Variants in SYT1 observed in about 807,000 individuals in gnomAD.
The protein encoded by SYT1 is synaptotagmin-1.
In SYT1, 8 loss-of-function variants were observed where a neutral mutation model predicts 44.8. The observed-to-expected ratio is 0.18, with a 90% confidence interval of 0.10 to 0.32. SYT1 has a LOEUF of 0.32. Among genes scored for constraint, SYT1 ranks in the 10% least tolerant of loss-of-function variants. The pLI is 1.00. For missense variants in SYT1, 286 were observed against 509.3 expected, an observed-to-expected ratio of 0.56 and a Z score of 4.22; for synonymous variants, 154 against 188.8, an observed-to-expected ratio of 0.82 and a Z score of 1.51.
intron 9 of SYT1, among the ~76,000 whole-genome samples, chr12:79,371,758 A>G (rs1299512891): frequency 6.6e-6 from 1 of 152,212 alleles, no homozygotes; most frequent in Non-Finnish European, 1.5e-5. Flanking sequence ...TTCAGAAGTC[A>G]TGCCTCAGAG....
chr12:79,097,444 G>T (rs883953), intron 3 of SYT1, among the ~76,000 whole-genome samples: 4,041 of 152,058 alleles, frequency 0.027, 127 homozygotes, highest in East Asian at 0.12. Context: ...CTGTTAGCCA[G>T]AGGTCATTGA....
At chr12:78,922,502 C>A (rs1453202036) in intron 1 of SYT1, among the ~76,000 whole-genome samples, 3 of 151,670 alleles carry the variant, frequency 2.0e-5, no homozygotes, top group South Asian at 4.2e-4. Context: ...TAAAAAAATT[C>A]TCAGACTGTA....
intron 1 of SYT1, among the ~76,000 whole-genome samples, chr12:78,959,327 A>T (rs2137330036): frequency 6.6e-6 from 1 of 152,316 alleles, no homozygotes; most frequent in South Asian, 2.1e-4. Flanking sequence ...ATGTATGTTC[A>T]TAAATATATT....
chr12:79,422,617 C>T (rs1327150377), intron 9 of SYT1, among the ~76,000 whole-genome samples: 1 of 151,900 alleles, frequency 6.6e-6, no homozygotes. Context: ...GAAAGCTCTG[C>T]TGAAGCTGTG....
intron 1 of SYT1, among the ~76,000 whole-genome samples, chr12:78,897,054 G>GA (rs1172483012): frequency 6.6e-6 from 1 of 151,784 alleles, no homozygotes; most frequent in Non-Finnish European, 1.5e-5. Flanking sequence ...ATAGTCAACT[G>GA]AAGGCAATAT....
chr12:79,160,638 T>C (rs531735874), intron 3 of SYT1, among the ~76,000 whole-genome samples: 2 of 152,164 alleles, frequency 1.3e-5, no homozygotes, highest in East Asian at 3.9e-4. Context: ...AAAATTTCAG[T>C]TCTAGATATG....
intron 4 of SYT1, among the ~76,000 whole-genome samples, chr12:79,240,501 G>C (rs569375455): frequency 2.0e-5 from 3 of 152,208 alleles, no homozygotes; most frequent in African/African-American, 7.2e-5. Flanking sequence ...AGCTATATCA[G>C]TTCACTATTA....
At chr12:79,325,617 A>G (rs941870679) in intron 8 of SYT1, among the ~76,000 whole-genome samples, 2 of 152,178 alleles carry the variant, frequency 1.3e-5, no homozygotes, top group African/African-American at 4.8e-5. Flanking sequence ...AGGTTTGCCC[A>G]TTTCAGGTAA....
intron 5 of SYT1, among the ~76,000 whole-genome samples, chr12:79,287,045 C>T (rs1383696956): frequency 6.6e-6 from 1 of 152,142 alleles, no homozygotes; most frequent in African/African-American, 2.4e-5. Flanking sequence ...ATTTTAAGTA[C>T]ATTTGCGTTG....
At chr12:78,938,433 G>A (rs183104257) in intron 1 of SYT1, among the ~76,000 whole-genome samples, 3 of 152,246 alleles carry the variant, frequency 2.0e-5, no homozygotes, top group East Asian at 1.9e-4. Context: ...AATTAGCAGC[G>A]GTTGAGCAGA....
intron 4 of SYT1, among the ~76,000 whole-genome samples, chr12:79,223,956 G>C (rs1875331376): frequency 6.6e-6 from 1 of 152,184 alleles, no homozygotes; most frequent in South Asian, 2.1e-4. Flanking sequence ...TGGGGCTAGG[G>C]AAAGAGTGAT....
At chr12:79,014,520 T>C (rs1317853416) in intron 2 of SYT1, among the ~76,000 whole-genome samples, 1 of 152,026 alleles carries the variant, frequency 6.6e-6, no homozygotes, top group Non-Finnish European at 1.5e-5. Context: ...AGATACCATC[T>C]CACACCAGTT....
chr12:79,230,833 A>T (rs1198067721), intron 4 of SYT1, among the ~76,000 whole-genome samples: 2 of 152,230 alleles, frequency 1.3e-5, no homozygotes, highest in Non-Finnish European at 2.9e-5. Context: ...TTTCAAAGAT[A>T]TTAAGAAAAC....
At chr12:79,087,613 C>CA (rs1355190554) in intron 3 of SYT1, among the ~76,000 whole-genome samples, 1 of 151,982 alleles carries the variant, frequency 6.6e-6, no homozygotes, top group Non-Finnish European at 1.5e-5. Flanking sequence ...TAAGGTGCAT[C>CA]AAGCCCAGTG....
chr12:79,168,115 C>T (rs1871319117), intron 3 of SYT1, among the ~76,000 whole-genome samples: 1 of 152,040 alleles, frequency 6.6e-6, no homozygotes, highest in Non-Finnish European at 1.5e-5. Context: ...GTTTGGGGAC[C>T]TCTGGTCTAA....
At position 79,005,712 on chromosome 12, in the gene SYT1, C is replaced by A. The variant is rs561277947; in HGVS notation, c.-84+27781C>A. Among the ~76,000 whole-genome samples the A allele has an allele frequency of 4.6e-5, 7 of 152,154 alleles. No individual in the cohort carries two copies. The East Asian group carries it at 1.4e-3, about 29-fold the overall frequency. Reference sequence around the variant, plus strand: ...CTGAAAAGAGAGGCAGTTAAACAAGCATTGGCCATGCAGTTTACTAATTAC... The same window carrying A: ...CTGAAAAGAGAGGCAGTTAAACAAGAATTGGCCATGCAGTTTACTAATTAC... On this transcript the variant is annotated intron_variant, in intron 2 of 10. Coordinates refer to ENST00000261205, the MANE Select transcript of SYT1 (RefSeq NM_005639.3).
chr12:79,220,485 C>A (rs573476192), intron 4 of SYT1, among the ~76,000 whole-genome samples: 2 of 151,784 alleles, frequency 1.3e-5, no homozygotes, highest in Non-Finnish European at 1.5e-5. Context: ...TTTCTAATTT[C>A]TTGAGGTTCA....
intron 4 of SYT1, among the ~76,000 whole-genome samples, chr12:79,255,862 A>G (rs1410913298): frequency 6.6e-6 from 1 of 152,180 alleles, no homozygotes; most frequent in Non-Finnish European, 1.5e-5. Context: ...GTAGTGGATA[A>G]TGTGGATTTC....
intron 2 of SYT1, among the ~76,000 whole-genome samples, chr12:78,987,263 G>A (rs4414294): frequency 0.084 from 12,742 of 151,964 alleles, 661 homozygotes; most frequent in African/African-American, 0.14. Context: ...CCTCTCCAAA[G>A]GAAATATGCA....
Sources: gnomAD v4.1 joint callset for allele counts (sites outside exome capture counted in the v4.1 genomes callset) on GRCh38, gnomAD v4.1.1 for gene constraint, MANE v1.5 for transcripts, NCBI Gene and HGNC (gene_info 2026-07-23, HGNC 2026-07-21) for gene names.